The following NYAP2 variants were observed in gnomAD, a reference collection of about 807,000 sequenced individuals.
NYAP2 encodes neuronal tyrosine-phosphorylated phosphoinositide-3-kinase adaptor 2, also known as neuronal tyrosine-phosphorylated phosphoinositide-3-kinase adapter 2.
NYAP2 carries 23 observed loss-of-function variants against 50.4 expected under a neutral mutation model. The ratio of observed to expected loss-of-function variants is 0.46; its 90% confidence interval spans 0.33 to 0.65. The LOEUF (loss-of-function observed/expected upper bound fraction) is 0.65. NYAP2 is among the 30% of genes least tolerant of loss of function. The probability of loss-of-function intolerance (pLI) is 0.02; values close to 1 mark genes in which losing one functional copy is unlikely to be tolerated. For synonymous variants in NYAP2, 394 were observed against 365.2 expected, an observed-to-expected ratio of 1.08 and a Z score of -0.90; for missense variants, 885 against 861.0, an observed-to-expected ratio of 1.03 and a Z score of -0.35.
At chr2:225,564,112 A>T (rs1691921433) in intron 4 of NYAP2, among the ~76,000 whole-genome samples, 1 of 152,048 alleles carries the variant, frequency 6.6e-6, no homozygotes. Flanking sequence ...TTTAAATAAT[A>T]ATAAATTCAC....
the NYAP2 span, among the ~76,000 whole-genome samples, chr2:225,674,947 C>T: frequency 2.0e-5 from 3 of 152,010 alleles, no homozygotes; most frequent in African/African-American, 7.2e-5. Context: ...TGAGGGCAAG[C>T]CCCCAGTCTT....
intron 4 of NYAP2, among the ~76,000 whole-genome samples, chr2:225,575,342 T>C (rs1362653556): frequency 6.6e-6 from 1 of 152,190 alleles, no homozygotes; most frequent in Non-Finnish European, 1.5e-5. Context: ...AGCACCATAC[T>C]TCTGATACCA....
intron 4 of NYAP2, among the ~76,000 whole-genome samples, chr2:225,534,050 T>G (rs1574663087): frequency 6.6e-6 from 1 of 152,192 alleles, no homozygotes; most frequent in African/African-American, 2.4e-5. Flanking sequence ...AAATTAAATG[T>G]AAAATTAATT....
At chr2:225,405,359 G>T (rs1164196201) in intron 2 of NYAP2, among the ~76,000 whole-genome samples, 1 of 151,942 alleles carries the variant, frequency 6.6e-6, no homozygotes, top group Admixed American at 6.6e-5. Flanking sequence ...CTTCTAGGAT[G>T]CTGACATAGG....
At chr2:225,527,515 A>G (rs1559205203) in intron 4 of NYAP2, among the ~76,000 whole-genome samples, 1 of 152,188 alleles carries the variant, frequency 6.6e-6, no homozygotes. Flanking sequence ...ATGCTGTTAT[A>G]GAACATGCAG....
chr2:225,597,135 C>T (rs2106239142), intron 5 of NYAP2, among the ~76,000 whole-genome samples: 1 of 152,106 alleles, frequency 6.6e-6, no homozygotes, highest in East Asian at 1.9e-4. Flanking sequence ...CGTCTAACAG[C>T]TGTTCTTTGT....
At position 225,651,541 on chromosome 2, in the gene NYAP2, A is replaced by G. The variant is rs748857439; in HGVS notation, c.1938A>G (p.Pro646=). 1 of 1,614,010 alleles carries G rather than the reference A, an allele frequency of 6.2e-7. No individual in the cohort carries two copies. The highest frequency in any genetic ancestry group is 1.7e-5 in the Admixed American group (1 of 60,014). The change falls in exon 7 of 7, where the codon CCA becomes CCG. Residue 646 remains proline (P), a synonymous_variant. Coordinates refer to ENST00000636099, the Ensembl canonical transcript of NYAP2. ...GTGACCTGCAACAGAGCCAGGTACCATCATCGTTAGCCAATCGTGATTGAC... is the reference window on the plus strand; with the variant it reads ...GTGACCTGCAACAGAGCCAGGTACCGTCATCGTTAGCCAATCGTGATTGAC...
chr2:225,627,963 C>T (rs996501471), intron 6 of NYAP2, among the ~76,000 whole-genome samples: 5 of 152,128 alleles, frequency 3.3e-5, no homozygotes, highest in Non-Finnish European at 7.4e-5. Flanking sequence ...CTCTGATACT[C>T]ATCTTAGAAA....
intron 4 of NYAP2, among the ~76,000 whole-genome samples, chr2:225,561,851 T>A (rs959795162): frequency 6.6e-6 from 1 of 152,142 alleles, no homozygotes; most frequent in African/African-American, 2.4e-5. Flanking sequence ...TGTTAAATCA[T>A]GTGCTCATCT....
In NYAP2 at chr2:225,589,567, T is replaced by C. The variant is rs183170082; in HGVS notation, c.1618+6532T>C. 4.7e-3 allele frequency among the ~76,000 whole-genome samples: 621 copies of C among 132,762 alleles called. 8 individuals are homozygous for C. Among genetic ancestry groups the C allele is most frequent in the African/African-American group, 0.016 (561 of 35,344 alleles). 87.1% of individuals were successfully genotyped at this position (132,762 alleles called of 152,430 possible). On this transcript the variant is annotated intron_variant, in intron 5 of 6. Transcript: ENST00000636099. ...TTTAATAGCTGGGTGTGGTGTCACA[T>C]GCCTGCGGTCCTAGGTCCTTGGGAG...
chr2:225,476,749 A>G (rs971465494), intron 3 of NYAP2, among the ~76,000 whole-genome samples: 2 of 152,220 alleles, frequency 1.3e-5, no homozygotes, highest in African/African-American at 4.8e-5. Flanking sequence ...AGAGATACAT[A>G]CATCATTATA....
chr2:225,550,097 T>A lies in NYAP2; in HGVS notation c.524-31844T>A, dbSNP rs149953023. Among the ~76,000 whole-genome samples, 950 of 151,090 alleles carry A rather than the reference T, an allele frequency of 6.3e-3. 9 individuals carry two copies. Among genetic ancestry groups the A allele is most frequent in the African/African-American group, 0.022 (906 of 41,112 alleles). On this transcript the variant is annotated intron_variant, in intron 4 of 6. Coordinates refer to ENST00000636099, the Ensembl canonical transcript of NYAP2. ...TAAGAGAACAAGCCAAGAAAGGAAATGGAGAAAAAGGTCAGCAAGTCAGAA... is the reference window on the plus strand; with the variant it reads ...TAAGAGAACAAGCCAAGAAAGGAAAAGGAGAAAAAGGTCAGCAAGTCAGAA...
chr2:225,680,269 T>C, the NYAP2 span, among the ~76,000 whole-genome samples: 1 of 152,210 alleles, frequency 6.6e-6, no homozygotes, highest in Non-Finnish European at 1.5e-5. Flanking sequence ...TGTAATGTGT[T>C]TCTTAAGTTT....
At chr2:225,627,027 G>A (rs1182531902) in exon 6 of NYAP2, 2 of 1,595,120 alleles carry the variant, frequency 1.3e-6, no homozygotes, top group South Asian at 1.1e-5. Context: ...GCCTGTCAAA[G>A]CTCAGGAATG....
intron 4 of NYAP2, among the ~76,000 whole-genome samples, chr2:225,552,843 A>G (rs1162405079): frequency 6.6e-6 from 1 of 152,128 alleles, no homozygotes; most frequent in Non-Finnish European, 1.5e-5. Context: ...ACCTGCCACC[A>G]CACCTGACTA....
chr2:225,655,420 C>T (rs894565256), downstream of NYAP2, among the ~76,000 whole-genome samples: 1 of 152,104 alleles, frequency 6.6e-6, no homozygotes, highest in Non-Finnish European at 1.5e-5. Flanking sequence ...TCATAGAAAT[C>T]TTTGGAAATC....
chr2:225,607,051 C>T (rs1265175507), intron 5 of NYAP2, among the ~76,000 whole-genome samples: 1 of 152,098 alleles, frequency 6.6e-6, no homozygotes, highest in Non-Finnish European at 1.5e-5. Context: ...AGTAGGGGGA[C>T]ACTTCTCATC....
intron 5 of NYAP2, among the ~76,000 whole-genome samples, chr2:225,604,508 C>T (rs565024023): frequency 2.2e-4 from 33 of 152,112 alleles, no homozygotes; most frequent in African/African-American, 7.7e-4. Context: ...TGAAGAAGCA[C>T]GATCTGAAAC....
At chr2:225,636,468 T>G (rs989827267) in intron 6 of NYAP2, among the ~76,000 whole-genome samples, 2 of 143,242 alleles carry the variant, frequency 1.4e-5, no homozygotes, top group African/African-American at 2.6e-5. Context: ...AATCATGCCC[T>G]TGGTAATGTG....
Sources: gnomAD v4.1 joint callset for allele counts (sites outside exome capture counted in the v4.1 genomes callset) on GRCh38, gnomAD v4.1.1 for gene constraint, MANE v1.5 for transcripts, NCBI Gene and HGNC (gene_info 2026-07-23, HGNC 2026-07-21) for gene names.